Variants in NOPCHAP1 observed in about 807,000 individuals in gnomAD.
The protein encoded by NOPCHAP1 is NOP protein chaperone 1, also known as DNA damage-sensitive RNA 1.
NOPCHAP1 carries 13 observed loss-of-function variants against 14.0 expected under a neutral mutation model. The ratio of observed to expected loss-of-function variants is 0.93; its 90% CI spans 0.60 to 1.47. The LOEUF (loss-of-function observed/expected upper bound fraction) is 1.47. Ranked by LOEUF, NOPCHAP1 falls within the 40% of genes most tolerant of loss-of-function variation. The pLI is 0.00. For missense variants in NOPCHAP1, 230 were observed against 226.9 expected (o/e 1.01, Z -0.09); for synonymous variants, 78 against 78.4 (o/e 1.00, Z 0.03).
At position 104,986,339 on chromosome 12, in the gene NOPCHAP1, G is replaced by A; in HGVS notation, c.-14G>A. ...TCCTGCATCCGGGCCTGAGAGTGCA[G>A]GCTTGAGGGAAGCATGGAGGTCCAT... is the stretch of plus-strand genomic sequence containing the variant. On this transcript the variant is annotated 5_prime_UTR_variant, in exon 1 of 4. Coordinates refer to ENST00000552951, the MANE Select transcript of NOPCHAP1 (RefSeq NM_152318.3). 1 of 1,598,694 alleles carries A rather than the reference G, an allele frequency of 6.3e-7. No homozygotes were observed. Among genetic ancestry groups the A allele is most frequent in the Non-Finnish European group, 8.5e-7 (1 of 1,172,228 alleles).
Position 105,004,363 on chromosome 12 carries a change from G to A in NOPCHAP1, c.*9667G>A, listed in dbSNP as rs1459129460. On this transcript the variant is annotated 3_prime_UTR_variant, in exon 4 of 4. Coordinates refer to ENST00000552951, the MANE Select transcript of NOPCHAP1 (RefSeq NM_152318.3). ...AGGTGGGCAGATCACGAGGTCAGGA[G>A]TTTGAGACCTGCCTGGCCAACGTGA... The A allele has an allele frequency of 6.6e-6, 1 of 152,188 alleles. No individual in the cohort carries two copies. Among genetic ancestry groups the A allele is most frequent in the Admixed American group, 6.5e-5 (1 of 15,282 alleles). The allele number at this position is 152,188 out of a possible 1,614,324, so 9.4% of individuals were successfully genotyped here.
At chr12:104,992,121 A>C (rs1208206698) in intron 3 of NOPCHAP1, among the ~76,000 whole-genome samples, 1 of 152,222 alleles carries the variant, frequency 6.6e-6, no homozygotes, top group Non-Finnish European at 1.5e-5. Flanking sequence ...TCCAAGCCCC[A>C]AAAGAGGTAA....
Position 105,011,686 on chromosome 12 carries a change from TG to T in NOPCHAP1, c.*16992del, listed in dbSNP as rs1873822366. 1 of 152,214 alleles carries T rather than the reference TG, an allele frequency of 6.6e-6. No homozygotes were observed. The highest frequency in any genetic ancestry group is 2.1e-4 in the South Asian group (1 of 4,822). 9.4% of individuals were successfully genotyped at this position (152,214 alleles called of 1,614,324 possible). On this transcript the variant is annotated 3_prime_UTR_variant, in exon 4 of 4. Coordinates refer to ENST00000552951, the MANE Select transcript of NOPCHAP1 (RefSeq NM_152318.3). ...AGGAGCTCTTGTAAGGCAGGCCTGG[TG>T]GTGACAAAATCTCTCAGCATTTGCT...
chr12:105,002,655 C>T lies in NOPCHAP1; in HGVS notation c.*7959C>T, dbSNP rs1041337148. 2 of 152,112 alleles carry T rather than the reference C, an allele frequency of 1.3e-5. No individual in the cohort carries two copies. Among genetic ancestry groups the T allele is most frequent in the Non-Finnish European group, 2.9e-5 (2 of 68,018 alleles). 9.4% of individuals were successfully genotyped at this position (152,112 alleles called of 1,614,324 possible). A position where few individuals can be genotyped will look rare whatever the true frequency, so the allele number is the denominator to read the frequency against. On this transcript the variant is annotated 3_prime_UTR_variant, in exon 4 of 4. Transcript: ENST00000552951. ...GAGGTTTTGGGGGAGTCTTTAATAT[C>T]CTGATTAAGTTTTTCCCATTCTCTT...
Position 105,014,299 on chromosome 12 carries a change from G to A in NOPCHAP1, c.*19603G>A, listed in dbSNP as rs1370488080. 6.6e-6 allele frequency: 1 copy of A among 152,176 alleles called. No homozygotes were observed. The highest frequency in any genetic ancestry group is 2.4e-5 in the African/African-American group (1 of 41,444). The allele number at this position is 152,176 out of a possible 1,614,324, so 9.4% of individuals were successfully genotyped here. On this transcript the variant is annotated 3_prime_UTR_variant, in exon 4 of 4. Transcript: ENST00000552951. ...ATAGATTTATATATTTTTTATGGTA[G>A]AAATGATGAGATAGACTGGTATCTA...
rs1873541780 is a variant in NOPCHAP1 at position 104,998,583 on chromosome 12, G to A, written c.*3887G>A. ...GGGCCAAGATATTTCTGGACCACTGGTCAGAACACTTCAATGGGTGGTGCC... is the reference window on the plus strand; with the variant it reads ...GGGCCAAGATATTTCTGGACCACTGATCAGAACACTTCAATGGGTGGTGCC... On this transcript the variant is annotated 3_prime_UTR_variant, in exon 4 of 4. Coordinates refer to ENST00000552951, the MANE Select transcript of NOPCHAP1 (RefSeq NM_152318.3). The A allele has an allele frequency of 6.6e-6, 1 of 152,334 alleles. No homozygotes were observed. The highest frequency in any genetic ancestry group is 1.5e-5 in the Non-Finnish European group (1 of 68,152). 9.4% of individuals were successfully genotyped at this position (152,334 alleles called of 1,614,324 possible). A position where few individuals can be genotyped will look rare whatever the true frequency, so the allele number is the denominator to read the frequency against.
In NOPCHAP1 at chr12:105,013,264, G is replaced by A. The variant is rs1027873635; in HGVS notation, c.*18568G>A. The A allele has an allele frequency of 2.6e-5, 4 of 152,218 alleles. No individual in the cohort carries two copies. Among genetic ancestry groups the A allele is most frequent in the African/African-American group, 4.8e-5 (2 of 41,448 alleles). The allele number at this position is 152,218 out of a possible 1,614,324, so 9.4% of individuals were successfully genotyped here. On this transcript the variant is annotated 3_prime_UTR_variant, in exon 4 of 4. Coordinates refer to ENST00000552951, the MANE Select transcript of NOPCHAP1 (RefSeq NM_152318.3). ...TCTGCCCAATTTGAATTTCCCTGTGGCTTTATTTACACTGTGAGGAGAAAA... is the reference window on the plus strand; with the variant it reads ...TCTGCCCAATTTGAATTTCCCTGTGACTTTATTTACACTGTGAGGAGAAAA...
At chr12:104,986,607 C>T in intron 1 of NOPCHAP1, 140 bp downstream of exon 1, 1 of 657,180 alleles carries the variant, frequency 1.5e-6, no homozygotes, top group Non-Finnish European at 2.3e-6. Context: ...TGCGGGGCTC[C>T]GGCGTGCCCT....
rs1188873164 is a variant in NOPCHAP1 at position 104,994,984 on chromosome 12, G to C, written c.*288G>C. On this transcript the variant is annotated 3_prime_UTR_variant, in exon 4 of 4. Transcript: ENST00000552951. The stretch of plus-strand genomic sequence containing the variant: ...TACAGGAATAACTTGATGGGTTACA[G>C]CTAGGTGTTTGCCTAAATAAGGCAA... The C allele has an allele frequency of 8.2e-6, 3 of 366,724 alleles. No homozygotes were observed. The highest frequency in any genetic ancestry group is 1.5e-5 in the Non-Finnish European group (3 of 199,544). 22.7% of individuals were successfully genotyped at this position (366,724 alleles called of 1,614,324 possible). A position where few individuals can be genotyped will look rare whatever the true frequency, so the allele number is the denominator to read the frequency against.
rs1199376348 is a variant in NOPCHAP1, at chr12:105,004,290, G to C, written c.*9594G>C. On this transcript the variant is annotated 3_prime_UTR_variant, in exon 4 of 4. Transcript: ENST00000552951. Reference sequence around the variant, plus strand: ...ATTTTATTTTAAAGTAAAAATAAAGGCCAGGTGCGGTGGCTCACACCTGTA... The same window carrying C: ...ATTTTATTTTAAAGTAAAAATAAAGCCCAGGTGCGGTGGCTCACACCTGTA... The C allele has an allele frequency of 1.3e-5, 2 of 152,158 alleles. No individual in the cohort carries two copies. Among genetic ancestry groups the C allele is most frequent in the Non-Finnish European group, 1.5e-5 (1 of 68,036 alleles). The allele number at this position is 152,158 out of a possible 1,614,324, so 9.4% of individuals were successfully genotyped here.
chr12:104,994,708 A>T lies in NOPCHAP1; in HGVS notation c.*12A>T. ...AAAAAAAGAAATAGTCAAATAAATT[A>T]TCTGAAAAGAAACAGGTGACATATG... On this transcript the variant is annotated 3_prime_UTR_variant, in exon 4 of 4. Transcript: ENST00000552951. 6.3e-7 allele frequency: 1 copy of T among 1,587,382 alleles called. No individual in the cohort carries two copies. The highest frequency in any genetic ancestry group is 2.2e-5 in the East Asian group (1 of 44,730).
rs867789342 is a variant in NOPCHAP1 at position 105,007,536 on chromosome 12, G to T, written c.*12840G>T. The T allele has an allele frequency of 6.6e-6, 1 of 152,054 alleles. No homozygotes were observed. Among genetic ancestry groups the T allele is most frequent in the Non-Finnish European group, 1.5e-5 (1 of 67,992 alleles). 9.4% of individuals were successfully genotyped at this position (152,054 alleles called of 1,614,324 possible). On this transcript the variant is annotated 3_prime_UTR_variant, in exon 4 of 4. Coordinates refer to ENST00000552951, the MANE Select transcript of NOPCHAP1 (RefSeq NM_152318.3). The stretch of plus-strand genomic sequence containing the variant: ...ATTGCACTAAAGACGAAGAACATGC[G>T]ATAACCATAAGAGATCACTTGCAGG...
intron 2 of NOPCHAP1, among the ~76,000 whole-genome samples, chr12:104,988,676 C>G (rs1873303342): frequency 6.6e-6 from 1 of 152,128 alleles, no homozygotes. Flanking sequence ...TATTGCTGTA[C>G]TGCACATTCA....
rs1873504067 is a variant in NOPCHAP1 at position 104,996,486 on chromosome 12, C to T, written c.*1790C>T. ...TCATCACCTGGTGATAAGCATAGTG[C>T]CCAATAGGTAGTTTTAAATCTGCAC... On this transcript the variant is annotated 3_prime_UTR_variant, in exon 4 of 4. Coordinates refer to ENST00000552951, the MANE Select transcript of NOPCHAP1 (RefSeq NM_152318.3). 6.6e-6 allele frequency: 1 copy of T among 151,586 alleles called. No homozygotes were observed. Among genetic ancestry groups the T allele is most frequent in the African/African-American group, 2.4e-5 (1 of 41,208 alleles). The allele number at this position is 151,586 out of a possible 1,614,324, so 9.4% of individuals were successfully genotyped here.
chr12:105,004,870 G>GTTGA lies in NOPCHAP1; in HGVS notation c.*10176_*10177insGATT, dbSNP rs916212824. 7 of 152,108 alleles carry GTTGA rather than the reference G, an allele frequency of 4.6e-5. 1 individual carries two copies. The highest frequency in any genetic ancestry group is 1.3e-4 in the Admixed American group (2 of 15,272). The allele number at this position is 152,108 out of a possible 1,614,324, so 9.4% of individuals were successfully genotyped here. On this transcript the variant is annotated 3_prime_UTR_variant, in exon 4 of 4. Coordinates refer to ENST00000552951, the MANE Select transcript of NOPCHAP1 (RefSeq NM_152318.3). ...TAGAAGCCTTAGTGAAACATAAATA[G>GTTGA]TTAACACATATTGTATATGTTATAT...
chr12:104,993,311 A>G (rs1712467023), intron 3 of NOPCHAP1, among the ~76,000 whole-genome samples: 2 of 152,130 alleles, frequency 1.3e-5, no homozygotes, highest in African/African-American at 4.8e-5. Flanking sequence ...CATAGTGTGA[A>G]AGCAGCCACT....
chr12:104,994,102 TG>T (rs1320676349), intron 3 of NOPCHAP1, among the ~76,000 whole-genome samples: 2 of 152,190 alleles, frequency 1.3e-5, no homozygotes, highest in Admixed American at 1.3e-4. Context: ...TGCAGCGCTT[TG>T]GGAGGGCAAG....
intron 2 of NOPCHAP1, among the ~76,000 whole-genome samples, chr12:104,990,571 G>A (rs1873350366): frequency 2.0e-5 from 3 of 152,000 alleles, no homozygotes; most frequent in East Asian, 1.9e-4. Flanking sequence ...TCTTCCATAC[G>A]CTGGACATTT....
rs2136028607 is a variant in NOPCHAP1, at chr12:104,997,634, T to A, written c.*2938T>A. 6.6e-6 allele frequency: 1 copy of A among 152,352 alleles called. No homozygotes were observed. The highest frequency in any genetic ancestry group is 2.1e-4 in the South Asian group (1 of 4,826). The allele number at this position is 152,352 out of a possible 1,614,324, so 9.4% of individuals were successfully genotyped here. A position where few individuals can be genotyped will look rare whatever the true frequency, so the allele number is the denominator to read the frequency against. ...CCCTTCTCTCTCACTGCCTTTAGCA[T>A]TTTTTCTTTCATTTCCACCTTGGAG... is the stretch of plus-strand genomic sequence containing the variant. On this transcript the variant is annotated 3_prime_UTR_variant, in exon 4 of 4. Transcript: ENST00000552951.
Sources: allele counts gnomAD v4.1 joint callset (sites outside exome capture counted in the v4.1 genomes callset), GRCh38; gene constraint gnomAD v4.1.1; transcripts MANE v1.5; gene names NCBI Gene and HGNC (gene_info 2026-07-23, HGNC 2026-07-21).